Variants in ZNF678 observed in about 807,000 individuals in gnomAD.
The protein encoded by ZNF678 is hypothetical protein MGC42493.
A neutral mutation model predicts 3.0 loss-of-function variants in ZNF678; 5 were observed. The observed-to-expected ratio is 1.69, with a 90% CI of 0.88 to 3.56. ZNF678 has a LOEUF of 3.56. ZNF678 is among the 30% of genes most tolerant of loss of function. The pLI is 0.00. For synonymous variants in ZNF678, 218 were observed against 199.6 expected (o/e 1.09, Z -0.78); for missense variants, 593 against 605.0 (o/e 0.98, Z 0.21).
At chr1:227,640,167 G>A (rs1658783351) in intron 1 of ZNF678, among the ~76,000 whole-genome samples, 1 of 152,158 alleles carries the variant, frequency 6.6e-6, no homozygotes, top group South Asian at 2.1e-4. Flanking sequence ...AGGATAGATC[G>A]GGGCATAAGG....
intron 1 of ZNF678, among the ~76,000 whole-genome samples, chr1:227,629,467 C>T (rs901612306): frequency 4.6e-5 from 7 of 152,216 alleles, no homozygotes; most frequent in African/African-American, 1.7e-4. Flanking sequence ...CCAGTCACAA[C>T]TTAGTGACTG....
intron 1 of ZNF678, among the ~76,000 whole-genome samples, chr1:227,640,528 C>T (rs923396543): frequency 1.1e-4 from 16 of 151,908 alleles, no homozygotes; most frequent in Admixed American, 5.2e-4. Context: ...TTGCAGAGGT[C>T]GGGGTGTAAT....
intron 1 of ZNF678, among the ~76,000 whole-genome samples, chr1:227,634,771 T>C (rs78134177): frequency 0.014 from 2,145 of 152,310 alleles, 54 homozygotes; most frequent in African/African-American, 0.048. Context: ...TCTGGACCTC[T>C]CTGGGGCCTA....
chr1:227,646,527 AT>A lies in ZNF678; in HGVS notation c.-163-12del, dbSNP rs79145640. The A allele has an allele frequency of 0.19, 254,787 of 1,321,684 alleles. 18,013 individuals carry two copies. The highest frequency in any genetic ancestry group is 0.27 in the East Asian group (5,405 of 20,034). 81.9% of individuals were successfully genotyped at this position (1,321,684 alleles called of 1,614,324 possible). ...TGGCACATTTTGTAAATACGTGTGT[AT>A]TTTTCCCCCCCCCAGGGACTACTGG... is the stretch of plus-strand genomic sequence containing the variant. On this transcript the variant is annotated splice_polypyrimidine_tract_variant and intron_variant, in intron 1 of 3. Transcript: ENST00000343776.
At chr1:227,642,635 C>T (rs765792517) in intron 1 of ZNF678, among the ~76,000 whole-genome samples, 3 of 151,914 alleles carry the variant, frequency 2.0e-5, no homozygotes, top group Non-Finnish European at 4.4e-5. Flanking sequence ...TTGAATTGGT[C>T]CTGCCTGATT....
intron 5 of ZNF678, among the ~76,000 whole-genome samples, chr1:227,671,309 A>G (rs550327689): frequency 6.6e-6 from 1 of 151,494 alleles, no homozygotes; most frequent in Non-Finnish European, 1.5e-5. Flanking sequence ...CAATTTTTCT[A>G]ATGTTCTGAA....
chr1:227,636,607 C>T (rs1426826465), intron 1 of ZNF678, among the ~76,000 whole-genome samples: 1 of 152,192 alleles, frequency 6.6e-6, no homozygotes, highest in Non-Finnish European at 1.5e-5. Flanking sequence ...GGCTATTTGT[C>T]CCTTTGCCAT....
At chr1:227,614,591 C>A (rs997413612) in intron 1 of ZNF678, among the ~76,000 whole-genome samples, 1 of 152,126 alleles carries the variant, frequency 6.6e-6, no homozygotes, top group Non-Finnish European at 1.5e-5. Context: ...ACCTTCTCAC[C>A]TTTTTTCTTA....
At chr1:227,623,786 C>G (rs1033054218) in intron 1 of ZNF678, among the ~76,000 whole-genome samples, 1 of 151,990 alleles carries the variant, frequency 6.6e-6, no homozygotes, top group Non-Finnish European at 1.5e-5. Context: ...TACTTTTTAT[C>G]CAGTTTATAA....
At chr1:227,641,257 A>G (rs148154438) in intron 1 of ZNF678, among the ~76,000 whole-genome samples, 47 of 152,296 alleles carry the variant, frequency 3.1e-4, no homozygotes, top group Non-Finnish European at 6.2e-4. Flanking sequence ...TTCAAACCCC[A>G]AGAGAGTGCC....
At chr1:227,609,008 A>G (rs1436736884) in intron 1 of ZNF678, among the ~76,000 whole-genome samples, 1 of 152,198 alleles carries the variant, frequency 6.6e-6, no homozygotes, top group African/African-American at 2.4e-5. Context: ...GAAATCAACC[A>G]CCAGAATAAA....
intron 1 of ZNF678, among the ~76,000 whole-genome samples, chr1:227,564,074 G>T (rs1486100752): frequency 6.6e-6 from 1 of 152,252 alleles, no homozygotes; most frequent in East Asian, 1.9e-4. Context: ...TGTGAAAAAT[G>T]GAGTCACTTT....
chr1:227,675,752 A>G (rs987803147), intron 5 of ZNF678, among the ~76,000 whole-genome samples: 3 of 152,152 alleles, frequency 2.0e-5, no homozygotes, highest in Non-Finnish European at 2.9e-5. Context: ...AACACCTATT[A>G]TGCTGGATAA....
chr1:227,575,370 A>G (rs961873446), intron 1 of ZNF678, among the ~76,000 whole-genome samples: 2 of 151,960 alleles, frequency 1.3e-5, no homozygotes, highest in South Asian at 2.1e-4. Context: ...TTTTTTTTCT[A>G]TCTTAAGCAT....
intron 2 of ZNF678, among the ~76,000 whole-genome samples, chr1:227,647,707 A>G (rs1333757742): frequency 6.6e-6 from 1 of 152,162 alleles, no homozygotes. Flanking sequence ...TAAGTTCTCT[A>G]AGGATTCCAC....
At chr1:227,566,098 T>A (rs551243438) in intron 1 of ZNF678, among the ~76,000 whole-genome samples, 1 of 152,286 alleles carries the variant, frequency 6.6e-6, no homozygotes, top group South Asian at 2.1e-4. Context: ...ATTTCAGAAT[T>A]GTCTGGGAAT....
intron 1 of ZNF678, among the ~76,000 whole-genome samples, chr1:227,640,548 A>G (rs1468057897): frequency 6.6e-6 from 1 of 152,136 alleles, no homozygotes; most frequent in Non-Finnish European, 1.5e-5. Flanking sequence ...TCTGAGTGCA[A>G]AAAGGCCCAG....
chr1:227,598,864 A>G, intron 1 of ZNF678: 1 of 636,528 alleles, frequency 1.6e-6, no homozygotes, highest in Non-Finnish European at 2.9e-6. Flanking sequence ...TACCTACCAA[A>G]TTTATTCTTT....
chr1:227,611,033 T>C (rs1658004102), intron 1 of ZNF678, among the ~76,000 whole-genome samples: 2 of 152,246 alleles, frequency 1.3e-5, no homozygotes, highest in Admixed American at 6.5e-5. Flanking sequence ...GGTTTACTGT[T>C]ACTGACCTGG....
Sources: gnomAD v4.1 joint callset for allele counts (sites outside exome capture counted in the v4.1 genomes callset) on GRCh38, gnomAD v4.1.1 for gene constraint, MANE v1.5 for transcripts, NCBI Gene and HGNC (gene_info 2026-07-23, HGNC 2026-07-21) for gene names.